The following ZNRF1 variants were observed in gnomAD, a reference collection of about 807,000 sequenced individuals.
The protein encoded by ZNRF1 is zinc and ring finger 1.
In ZNRF1, 3 loss-of-function variants were observed where a neutral mutation model predicts 18.4. That is an observed-to-expected ratio of 0.16 (90% CI 0.07 to 0.42). The LOEUF (loss-of-function observed/expected upper bound fraction) is 0.42, where lower values mean the gene tolerates loss of function less well. ZNRF1 is among the 10% of genes least tolerant of loss of function. The pLI is 0.99. For synonymous variants in ZNRF1, 157 were observed against 144.2 expected, an observed-to-expected ratio of 1.09 and a Z score of -0.64; for missense variants, 310 against 329.8, an observed-to-expected ratio of 0.94 and a Z score of 0.47.
Position 75,108,800 on chromosome 16 carries a change from G to A in ZNRF1, c.*1100G>A, listed in dbSNP as rs925967294. 1.4e-5 allele frequency: 5 copies of A among 366,714 alleles called. No individual in the cohort carries two copies. Among genetic ancestry groups the A allele is most frequent in the Non-Finnish European group, 1.9e-5 (4 of 207,848 alleles). The allele number at this position is 366,714 out of a possible 1,614,324, so 22.7% of individuals were successfully genotyped here. On this transcript the variant is annotated 3_prime_UTR_variant, in exon 5 of 5. Transcript: ENST00000335325. Reference sequence around the variant, plus strand: ...CCCCACTCCCTCACCTACCTCCTTAGCATTCCTTCAGGCTGCTACTCGGGG... The same window carrying A: ...CCCCACTCCCTCACCTACCTCCTTAACATTCCTTCAGGCTGCTACTCGGGG...
At chr16:75,076,578 C>G (rs1436854058) in intron 1 of ZNRF1, among the ~76,000 whole-genome samples, 1 of 150,140 alleles carries the variant, frequency 6.7e-6, no homozygotes, top group Non-Finnish European at 1.5e-5. Context: ...GATTGCTTAT[C>G]CTATTTAAGT....
chr16:75,004,821 G>C (rs2034897730), intron 1 of ZNRF1, among the ~76,000 whole-genome samples: 1 of 152,066 alleles, frequency 6.6e-6, no homozygotes, highest in Non-Finnish European at 1.5e-5. Flanking sequence ...TCACTATGTT[G>C]CCTAGGCTGG....
intron 1 of ZNRF1, among the ~76,000 whole-genome samples, chr16:75,028,583 C>G (rs2035256073): frequency 2.0e-5 from 3 of 152,266 alleles, no homozygotes; most frequent in Admixed American, 2.0e-4. Context: ...GCGTGAGCCT[C>G]TGTGCCCGGC....
intron 1 of ZNRF1, among the ~76,000 whole-genome samples, chr16:75,072,889 G>T (rs1392980547): frequency 1.3e-5 from 2 of 152,212 alleles, no homozygotes; most frequent in Non-Finnish European, 2.9e-5. Flanking sequence ...AGCCCCTCCA[G>T]CTTCCCCTCT....
chr16:75,091,212 AGC>A (rs1204991645), intron 1 of ZNRF1, among the ~76,000 whole-genome samples: 2 of 152,086 alleles, frequency 1.3e-5, no homozygotes, highest in Non-Finnish European at 2.9e-5. Context: ...TACAAAAATT[AGC>A]CAGGCATGGT....
intron 1 of ZNRF1, among the ~76,000 whole-genome samples, chr16:75,060,243 A>T (rs2035725058): frequency 6.6e-6 from 1 of 151,862 alleles, no homozygotes; most frequent in Admixed American, 6.6e-5. Flanking sequence ...TAGTAGAGAC[A>T]GGGTTTCACC....
At chr16:75,016,175 G>A (rs146336475) in intron 1 of ZNRF1, among the ~76,000 whole-genome samples, 1 of 151,900 alleles carries the variant, frequency 6.6e-6, no homozygotes, top group African/African-American at 2.4e-5. Flanking sequence ...CCACCGCCTC[G>A]GTCTCCCAAA....
chr16:75,006,715 C>T (rs567860279), intron 1 of ZNRF1, among the ~76,000 whole-genome samples: 4 of 152,302 alleles, frequency 2.6e-5, no homozygotes, highest in African/African-American at 7.2e-5. Flanking sequence ...GCATTACAGG[C>T]ATGAGCTACC....
At chr16:75,076,699 C>T (rs1193539354) in intron 1 of ZNRF1, among the ~76,000 whole-genome samples, 1 of 149,316 alleles carries the variant, frequency 6.7e-6, no homozygotes, top group East Asian at 2.1e-4. Flanking sequence ...TATCCCCCTC[C>T]TCCCCCAAAA....
chr16:75,034,357 CTT>C (rs2035349820), intron 1 of ZNRF1, among the ~76,000 whole-genome samples: 1 of 152,162 alleles, frequency 6.6e-6, no homozygotes, highest in Admixed American at 6.6e-5. Flanking sequence ...CTTGACCACT[CTT>C]AATAACTCAT....
intron 1 of ZNRF1, among the ~76,000 whole-genome samples, chr16:75,027,236 A>G (rs2035237399): frequency 6.6e-6 from 1 of 151,942 alleles, no homozygotes; most frequent in Admixed American, 6.6e-5. Flanking sequence ...ACACCACTGC[A>G]CTCCAGCCTG....
chr16:75,016,797 G>A lies in ZNRF1; in HGVS notation c.424+16702G>A, dbSNP rs192221454. Among the ~76,000 whole-genome samples the A allele has an allele frequency of 2.1e-5, 3 of 145,666 alleles. No homozygotes were observed. In the Admixed American group the frequency reaches 2.1e-4, roughly 10 times the overall value. On this transcript the variant is annotated intron_variant, in intron 1 of 4. Coordinates refer to ENST00000335325, the MANE Select transcript of ZNRF1 (RefSeq NM_032268.5). ...TGACCTCAGGTGATTCACCTGCCTC[G>A]GCCTCCCAGAGTGCTGGGATTACAG...
intron 1 of ZNRF1, among the ~76,000 whole-genome samples, chr16:75,053,589 C>CA (rs56775288): frequency 0.16 from 11,141 of 70,424 alleles, 872 homozygotes; most frequent in East Asian, 0.27. Flanking sequence ...GACTCCATCT[C>CA]AAAAAAAAAA....
intron 1 of ZNRF1, among the ~76,000 whole-genome samples, chr16:75,072,308 T>TAA (rs2035879921): frequency 6.6e-6 from 1 of 152,064 alleles, no homozygotes; most frequent in South Asian, 2.1e-4. Flanking sequence ...CTTTCCTTCT[T>TAA]AAAAGAATGC....
intron 2 of ZNRF1, 146 bp downstream of exon 2, chr16:75,093,813 T>A: frequency 1.6e-6 from 1 of 626,888 alleles, no homozygotes; most frequent in African/African-American, 1.8e-5. Context: ...GGTGAGGAAG[T>A]GGACTGTTCT....
chr16:75,030,340 G>A (rs1193139921), intron 1 of ZNRF1, among the ~76,000 whole-genome samples: 1 of 151,880 alleles, frequency 6.6e-6, no homozygotes, highest in Non-Finnish European at 1.5e-5. Flanking sequence ...ATGTGGTTTG[G>A]ACCCCTACCT....
At chr16:75,053,814 G>T (rs1276342564) in intron 1 of ZNRF1, among the ~76,000 whole-genome samples, 1 of 152,170 alleles carries the variant, frequency 6.6e-6, no homozygotes, top group African/African-American at 2.4e-5. Flanking sequence ...TTTGGAGAAA[G>T]TCTAGACTTT....
At chr16:75,048,568 T>G (rs1427211933) in intron 1 of ZNRF1, among the ~76,000 whole-genome samples, 1 of 152,354 alleles carries the variant, frequency 6.6e-6, no homozygotes, top group East Asian at 1.9e-4. Context: ...GCAGTTGATG[T>G]GGGTTTCTAG....
chr16:75,063,053 T>G (rs746613357), intron 1 of ZNRF1, among the ~76,000 whole-genome samples: 27 of 152,094 alleles, frequency 1.8e-4, no homozygotes, highest in Admixed American at 1.4e-3. Context: ...TTCAGAGGCT[T>G]TATAATGGGA....
Sources: gnomAD v4.1 joint callset for allele counts (sites outside exome capture counted in the v4.1 genomes callset) on GRCh38, gnomAD v4.1.1 for gene constraint, MANE v1.5 for transcripts, NCBI Gene and HGNC (gene_info 2026-07-23, HGNC 2026-07-21) for gene names.